IRAK2: variants seen among roughly 807,000 people sequenced by gnomAD.
IRAK2 encodes interleukin-1 receptor-associated kinase-like 2.
Under a neutral mutation model 72.0 loss-of-function variants are expected in IRAK2, and 57 were observed. The observed-to-expected ratio is 0.79, with a 90% confidence interval of 0.64 to 0.99. The LOEUF is 0.99. Ranked by LOEUF, IRAK2 falls within the 50% of genes least tolerant of loss-of-function variation. The pLI, the probability that IRAK2 is intolerant of heterozygous loss-of-function variation, is 0.00. For missense variants in IRAK2, 790 were observed against 794.4 expected (o/e 0.99, Z 0.07); for synonymous variants, 293 against 312.7 (o/e 0.94, Z 0.67).
chr3:10,219,658 C>G lies in IRAK2; in HGVS notation c.904-22C>G, dbSNP rs754217997. ...AAAAGGTACATTGTGACTATTTGTC[C>G]TCCTGCTTTTCTTTCTCTTAGGGTG... On this transcript the variant is annotated intron_variant, in intron 7 of 12. Transcript: ENST00000256458. 7 of 1,577,132 alleles carry G rather than the reference C, an allele frequency of 4.4e-6. No individual in the cohort carries two copies. The East Asian group carries it at 1.1e-4, about 25-fold the overall frequency.
intron 2 of IRAK2, among the ~76,000 whole-genome samples, chr3:10,188,020 G>A (rs1219566142): frequency 1.3e-5 from 2 of 152,158 alleles, no homozygotes; most frequent in East Asian, 1.9e-4. Context: ...ACTGTGGGCC[G>A]GGCTCCAGAC....
rs770371080 is a variant in IRAK2 at position 10,238,796 on chromosome 3, A to T, written c.1522A>T (p.Thr508Ser). The part of the protein sequence containing the change: ...AVEERLRGRE[T>S]LLPWSGLSEG... ...GGAAGAGCGGCTCCGAGGTCGGGAG[A>T]CGTTGCTCCCTTGGAGTGGGCTTTC... The change falls in exon 12 of 13, where the codon ACG becomes TCG. Residue 508 changes from threonine (T) to serine (S), a missense_variant. Coordinates refer to ENST00000256458, the MANE Select transcript of IRAK2 (RefSeq NM_001570.4). 9 of 1,613,498 alleles carry T rather than the reference A, an allele frequency of 5.6e-6. No homozygotes were observed. In the Admixed American group the frequency reaches 1.2e-4, roughly 21 times the overall value.
chr3:10,240,535 A>G (rs1698036972), intron 12 of IRAK2, among the ~76,000 whole-genome samples: 1 of 24,882 alleles, frequency 4.0e-5, no homozygotes. Flanking sequence ...AAAAATTAGG[A>G]AGCCCCCCCC....
At chr3:10,237,115 TAGAG>T in intron 11 of IRAK2, among the ~76,000 whole-genome samples, 1 of 152,306 alleles carries the variant, frequency 6.6e-6, no homozygotes, top group Non-Finnish European at 1.5e-5. Flanking sequence ...TCTCACATAA[TAGAG>T]AGCAGAACTT....
intron 8 of IRAK2, among the ~76,000 whole-genome samples, chr3:10,221,220 G>C (rs537905997): frequency 7.1e-6 from 1 of 140,588 alleles, no homozygotes; most frequent in Non-Finnish European, 1.5e-5. Flanking sequence ...GTGAAACCTC[G>C]TCTCTACTAA....
At chr3:10,171,164 A>G (rs1696788583) in intron 1 of IRAK2, among the ~76,000 whole-genome samples, 1 of 152,142 alleles carries the variant, frequency 6.6e-6, no homozygotes, top group African/African-American at 2.4e-5. Flanking sequence ...GGTTTCCTAC[A>G]GCTTCAGCCC....
intron 6 of IRAK2, among the ~76,000 whole-genome samples, chr3:10,215,393 C>CAA (rs562788691): frequency 1.8e-4 from 14 of 79,464 alleles, no homozygotes; most frequent in East Asian, 3.4e-4. Flanking sequence ...GACTCTGTCT[C>CAA]AAAAAAAAAA....
chr3:10,210,542 T>G (rs1032238710), intron 4 of IRAK2, among the ~76,000 whole-genome samples: 2 of 152,196 alleles, frequency 1.3e-5, no homozygotes, highest in African/African-American at 4.8e-5. Context: ...CTAGACCCTT[T>G]GCATCCAGTG....
chr3:10,175,978 G>T (rs1696868241), intron 1 of IRAK2, among the ~76,000 whole-genome samples: 1 of 151,522 alleles, frequency 6.6e-6, no homozygotes, highest in African/African-American at 2.4e-5. Context: ...TCTATGTAGA[G>T]GGGGTGATTT....
chr3:10,206,738 T>C (rs1048970473), intron 3 of IRAK2, among the ~76,000 whole-genome samples: 1 of 152,094 alleles, frequency 6.6e-6, no homozygotes, highest in Admixed American at 6.5e-5. Context: ...GTATTTTTAG[T>C]AGAGACAGGG....
chr3:10,197,300 G>A (rs1304227081), intron 2 of IRAK2, among the ~76,000 whole-genome samples: 1 of 150,974 alleles, frequency 6.6e-6, no homozygotes, highest in East Asian at 1.9e-4. Flanking sequence ...CAGGAGAATC[G>A]CTTGAATCCA....
chr3:10,210,502 G>A (rs1199095343), intron 4 of IRAK2, among the ~76,000 whole-genome samples: 2 of 152,304 alleles, frequency 1.3e-5, no homozygotes, highest in East Asian at 3.9e-4. Flanking sequence ...AAATTAAAAT[G>A]TTCTGATGGC....
At chr3:10,189,458 A>G (rs533357112) in intron 2 of IRAK2, among the ~76,000 whole-genome samples, 1 of 152,268 alleles carries the variant, frequency 6.6e-6, no homozygotes, top group East Asian at 1.9e-4. Flanking sequence ...CACTATATGG[A>G]CTGGGGGGCT....
chr3:10,208,599 T>C (rs1697467237), intron 3 of IRAK2, among the ~76,000 whole-genome samples: 1 of 151,684 alleles, frequency 6.6e-6, no homozygotes, highest in Non-Finnish European at 1.5e-5. Flanking sequence ...CCATCTCTAC[T>C]AAAAATACAA....
chr3:10,207,533 G>A lies in IRAK2; in HGVS notation c.425-2056G>A, dbSNP rs193084399. On this transcript the variant is annotated intron_variant, in intron 3 of 12. Transcript: ENST00000256458. Reference sequence around the variant, plus strand: ...CACCTCACCCACGGTCTGTGCCTGCGCCCACCGAGGAGCCCCCCTACCAGA... The same window carrying A: ...CACCTCACCCACGGTCTGTGCCTGCACCCACCGAGGAGCCCCCCTACCAGA... 1.7e-3 allele frequency among the ~76,000 whole-genome samples: 265 copies of A among 152,124 alleles called. 6 individuals carry two copies. The South Asian group carries it at 0.043, about 25-fold the overall frequency.
chr3:10,222,709 A>C lies in IRAK2; in HGVS notation c.1087A>C (p.Lys363Gln), dbSNP rs766063588. The C allele has an allele frequency of 6.2e-7, 1 of 1,614,192 alleles. No individual in the cohort carries two copies. The highest frequency in any genetic ancestry group is 1.7e-5 in the Admixed American group (1 of 60,026). Residue 363 changes from lysine (K) to glutamine (Q), a missense_variant, in exon 9 of 13, where the codon AAA (lysine) becomes CAA (glutamine). By Grantham distance (53) the Lys-to-Gln change is moderately conservative. Transcript: ENST00000256458. ...AATGGCTCATCTGTGTCCTGTCAACAAAAGGTCAAAATACACCATGATGAA... is the reference window on the plus strand; with the variant it reads ...AATGGCTCATCTGTGTCCTGTCAACCAAAGGTCAAAATACACCATGATGAA... ...HPMAHLCPVNKRSKYTMMKTH... is the reference protein window; with the variant it reads ...HPMAHLCPVNQRSKYTMMKTH...
At chr3:10,216,876 G>A in intron 6 of IRAK2, 58 bp from the exon 7 acceptor site, 3 of 1,290,940 alleles carry the variant, frequency 2.3e-6, no homozygotes, top group East Asian at 2.3e-5. Flanking sequence ...TGGGACATGA[G>A]GAAGTAGATC....
intron 10 of IRAK2, among the ~76,000 whole-genome samples, chr3:10,231,758 G>A (rs950828093): frequency 1.3e-5 from 2 of 152,014 alleles, no homozygotes; most frequent in East Asian, 1.9e-4. Flanking sequence ...TTAAGCATTC[G>A]CCTGCCTCAA....
intron 2 of IRAK2, among the ~76,000 whole-genome samples, chr3:10,196,360 C>T (rs528366390): frequency 6.0e-4 from 91 of 152,336 alleles, no homozygotes; most frequent in African/African-American, 2.1e-3. Flanking sequence ...GGTGATCTGC[C>T]CTCCTTGGCC....
Sources: allele counts gnomAD v4.1 joint callset (sites outside exome capture counted in the v4.1 genomes callset), GRCh38; gene constraint gnomAD v4.1.1; transcripts MANE v1.5; gene names NCBI Gene and HGNC (gene_info 2026-07-23, HGNC 2026-07-21).